MAGI1: variants seen among roughly 807,000 people sequenced by gnomAD.
MAGI1 encodes the protein membrane associated guanylate kinase, WW and PDZ domain containing 1.
In MAGI1, 58 loss-of-function variants were observed where a neutral mutation model predicts 139.9. That is an observed-to-expected ratio of 0.41 (90% confidence interval 0.34 to 0.52). The LOEUF (loss-of-function observed/expected upper bound fraction) is 0.52. Among genes scored for constraint, MAGI1 ranks in the 20% least tolerant of loss-of-function variants. The pLI, the probability that MAGI1 is intolerant of heterozygous loss-of-function variation, is 0.12. For missense variants in MAGI1, 1,874 were observed against 1,901.6 expected, an observed-to-expected ratio of 0.99 and a Z score of 0.27; for synonymous variants, 812 against 737.9, an observed-to-expected ratio of 1.10 and a Z score of -1.63.
intron 1 of MAGI1, among the ~76,000 whole-genome samples, chr3:65,931,535 A>G (rs368955768): frequency 1.3e-5 from 2 of 152,142 alleles, no homozygotes; most frequent in African/African-American, 4.8e-5. Context: ...GTGTGGTGGC[A>G]GACACTGTAG....
chr3:65,397,528 G>A (rs867649366), intron 13 of MAGI1, among the ~76,000 whole-genome samples: 4 of 151,246 alleles, frequency 2.6e-5, no homozygotes, highest in African/African-American at 7.3e-5. Flanking sequence ...CTTTTTGTAG[G>A]ATTTTTTTTT....
intron 2 of MAGI1, among the ~76,000 whole-genome samples, chr3:65,528,688 C>G (rs1367871198): frequency 1.3e-5 from 2 of 152,094 alleles, no homozygotes; most frequent in South Asian, 2.1e-4. Context: ...ATGTCAACTC[C>G]CAATATTTCC....
intron 1 of MAGI1, among the ~76,000 whole-genome samples, chr3:65,984,607 G>A (rs1303958925): frequency 2.7e-5 from 4 of 150,066 alleles, no homozygotes; most frequent in Non-Finnish European, 5.9e-5. Flanking sequence ...ACCACTCACT[G>A]CAGCTTCAGC....
chr3:65,691,895 T>G (rs533885773), intron 1 of MAGI1, among the ~76,000 whole-genome samples: 2 of 152,314 alleles, frequency 1.3e-5, no homozygotes, highest in African/African-American at 4.8e-5. Context: ...CCTAATTAGC[T>G]TCTCACAAAA....
chr3:65,884,161 T>C (rs2060442855), intron 1 of MAGI1, among the ~76,000 whole-genome samples: 1 of 152,168 alleles, frequency 6.6e-6, no homozygotes. Context: ...GTCAACTAAT[T>C]AGATTCCTGA....
intron 1 of MAGI1, among the ~76,000 whole-genome samples, chr3:65,770,343 T>C (rs565604386): frequency 6.6e-6 from 1 of 152,308 alleles, no homozygotes; most frequent in African/African-American, 2.4e-5. Flanking sequence ...AATGCTACCA[T>C]ATGTTCATCT....
chr3:65,855,635 A>AGGAGAGAG (rs2059354330), intron 1 of MAGI1, among the ~76,000 whole-genome samples: 1 of 13,562 alleles, frequency 7.4e-5, no homozygotes, highest in Non-Finnish European at 1.4e-4. Context: ...GGGGAGGGGA[A>AGGAGAGAG]GGGAGAAACA....
At chr3:65,488,329 CTTTT>C (rs1227483573) in intron 3 of MAGI1, among the ~76,000 whole-genome samples, 1 of 151,984 alleles carries the variant, frequency 6.6e-6, no homozygotes, top group Non-Finnish European at 1.5e-5. Flanking sequence ...ACACTCATAA[CTTTT>C]TTTCTTTTTT....
chr3:65,804,897 A>G (rs1015022170), intron 1 of MAGI1, among the ~76,000 whole-genome samples: 7 of 152,232 alleles, frequency 4.6e-5, no homozygotes, highest in Non-Finnish European at 1.0e-4. Context: ...CAGAAAATTG[A>G]AACTGGAACC....
At chr3:65,856,986 G>A (rs776624803) in intron 1 of MAGI1, among the ~76,000 whole-genome samples, 1 of 152,192 alleles carries the variant, frequency 6.6e-6, no homozygotes, top group Non-Finnish European at 1.5e-5. Context: ...GGAATCACAT[G>A]AAAACCAATA....
intron 2 of MAGI1, among the ~76,000 whole-genome samples, chr3:65,621,752 A>G (rs2083681081): frequency 6.6e-6 from 1 of 152,170 alleles, no homozygotes; most frequent in Non-Finnish European, 1.5e-5. Context: ...GGGCCTTACA[A>G]AGGGTAGATA....
chr3:65,631,644 T>G (rs1280127336), intron 1 of MAGI1, among the ~76,000 whole-genome samples: 1 of 152,206 alleles, frequency 6.6e-6, no homozygotes, highest in African/African-American at 2.4e-5. Flanking sequence ...ATATTAGCTT[T>G]CCTTCTTCCA....
At chr3:65,497,682 C>A (rs539767033) in intron 2 of MAGI1, among the ~76,000 whole-genome samples, 2 of 152,074 alleles carry the variant, frequency 1.3e-5, no homozygotes, top group African/African-American at 4.8e-5. Flanking sequence ...CCATCTTTGC[C>A]ATTCTTTCAA....
intron 6 of MAGI1, chr3:65,448,362 G>C: frequency 2.0e-6 from 1 of 491,602 alleles, no homozygotes; most frequent in East Asian, 3.7e-5. Flanking sequence ...GTTCTTAAGT[G>C]GGAAGTCACT....
chr3:65,940,182 C>G (rs572308971), intron 1 of MAGI1, among the ~76,000 whole-genome samples: 6 of 152,228 alleles, frequency 3.9e-5, no homozygotes, highest in Non-Finnish European at 7.4e-5. Flanking sequence ...ACCTCTTATT[C>G]CAAGCAAAGC....
chr3:65,448,729 C>G (rs1948831794), intron 6 of MAGI1, among the ~76,000 whole-genome samples: 1 of 147,624 alleles, frequency 6.8e-6, no homozygotes, highest in South Asian at 2.2e-4. Context: ...CACACACACA[C>G]TTTCTAAGTC....
At chr3:65,537,443 C>T (rs1442511438) in intron 2 of MAGI1, among the ~76,000 whole-genome samples, 1 of 152,146 alleles carries the variant, frequency 6.6e-6, no homozygotes, top group Admixed American at 6.5e-5. Context: ...GCCACATTGG[C>T]TCACTGTTAT....
At chr3:65,393,547 A>G (rs909598933) in intron 13 of MAGI1, among the ~76,000 whole-genome samples, 3 of 152,114 alleles carry the variant, frequency 2.0e-5, no homozygotes, top group Non-Finnish European at 2.9e-5. Flanking sequence ...ATTTTTTTAC[A>G]TTTTAGTAAT....
At chr3:65,980,548 G>A (rs897618680) in intron 1 of MAGI1, among the ~76,000 whole-genome samples, 1 of 135,286 alleles carries the variant, frequency 7.4e-6, no homozygotes, top group African/African-American at 2.7e-5. Flanking sequence ...CTGGGCAAGA[G>A]ACTGAGACTC....
Sources: allele counts gnomAD v4.1 joint callset (sites outside exome capture counted in the v4.1 genomes callset), GRCh38; gene constraint gnomAD v4.1.1; transcripts MANE v1.5; gene names NCBI Gene and HGNC (gene_info 2026-07-23, HGNC 2026-07-21).